Variants in FAN1 observed in about 807,000 individuals in gnomAD.
FAN1 encodes FANCD2 and FANCI associated nuclease 1, also known as fanconi-associated nuclease 1.
Under a neutral mutation model 104.9 loss-of-function variants are expected in FAN1, and 91 were observed. The ratio of observed to expected loss-of-function variants is 0.87; its 90% CI spans 0.73 to 1.03. The LOEUF (loss-of-function observed/expected upper bound fraction) is 1.03, where lower values mean the gene tolerates loss of function less well. Among genes scored for constraint, FAN1 ranks in the 50% least tolerant of loss-of-function variants. The probability of loss-of-function intolerance (pLI) is 0.00; values close to 1 mark genes in which losing one functional copy is unlikely to be tolerated. For missense variants in FAN1, 1,263 were observed against 1,239.9 expected (o/e 1.02, Z -0.28); for synonymous variants, 478 against 457.6 (o/e 1.04, Z -0.57).
intron 7 of FAN1, 124 bp downstream of exon 7, chr15:30,920,777 G>A (rs1256672700): frequency 3.4e-6 from 2 of 586,148 alleles, no homozygotes; most frequent in African/African-American, 3.9e-5. Context: ...TATAATGGAG[G>A]CATATTTGTT....
intron 6 of FAN1, 37 bp from the exon 7 acceptor site, chr15:30,920,508 C>G (rs2062302461): frequency 2.3e-6 from 3 of 1,326,594 alleles, no homozygotes; most frequent in Non-Finnish European, 3.2e-6. Flanking sequence ...ATAAATTAAC[C>G]AAATTATTAA....
rs1276150179 is a variant in FAN1, at chr15:30,939,505, T to TAATC, written c.*4-2059_*4-2056dup. ...TTATGCACAATAAACTGTAGCACAATAATCATGATATAACAACTGTCCAGC... is the reference window on the plus strand; with the variant it reads ...TTATGCACAATAAACTGTAGCACAATAATCAATCATGATATAACAACTGTCCAGC... On this transcript the variant is annotated intron_variant, in intron 14 of 14. Transcript: ENST00000362065. The TAATC allele has an allele frequency of 2.2e-5, 22 of 982,938 alleles. No homozygotes were observed. The African/African-American group carries it at 3.5e-4, about 16-fold the overall frequency. 60.9% of individuals were successfully genotyped at this position (982,938 alleles called of 1,614,324 possible). A position where few individuals can be genotyped will look rare whatever the true frequency, so the allele number is the denominator to read the frequency against.
At position 30,905,371 on chromosome 15, in the gene FAN1, A is replaced by T; in HGVS notation, c.708A>T (p.Ile236=). The change falls in exon 2 of 15, where the codon ATA becomes ATT. Residue 236 remains isoleucine (I), a synonymous_variant. Transcript: ENST00000362065. The part of the protein sequence containing the change: ...IPEHMVRGSK[I]MEAESQKATR... The stretch of plus-strand genomic sequence containing the variant: ...AACATATGGTAAGAGGAAGTAAAAT[A>T]ATGGAAGCCGAAAGCCAAAAGGCTA... 2 of 1,614,050 alleles carry T rather than the reference A, an allele frequency of 1.2e-6. No individual in the cohort carries two copies.
chr15:30,937,009 G>GA, intron 13 of FAN1, 110 bp from the exon 14 acceptor site: 3 of 820,680 alleles, frequency 3.7e-6, no homozygotes, highest in Non-Finnish European at 4.0e-6. Flanking sequence ...CAAATACAGT[G>GA]AGAGAGCAGA....
intron 13 of FAN1, among the ~76,000 whole-genome samples, chr15:30,932,711 C>T (rs1037629541): frequency 1.9e-5 from 2 of 103,258 alleles, no homozygotes; most frequent in African/African-American, 7.2e-5. Flanking sequence ...ATATTTGTTT[C>T]TTTTCTTTTT....
chr15:30,910,610 T>G lies in FAN1; in HGVS notation c.1376-4T>G, dbSNP rs2140908606. 4 of 1,520,032 alleles carry G rather than the reference T, an allele frequency of 2.6e-6. No individual in the cohort carries two copies. The East Asian group carries it at 9.4e-5, about 36-fold the overall frequency. The allele number at this position is 1,520,032 out of a possible 1,614,324, so 94.2% of individuals were successfully genotyped here. ...AAAAAAACTTTTTTTTTTAACCATT[T>G]CAGAATCTGAGTTGCAAGAACTCTC... On this transcript the variant is annotated splice_polypyrimidine_tract_variant and splice_region_variant and intron_variant, in intron 3 of 14. Coordinates refer to ENST00000362065, the MANE Select transcript of FAN1 (RefSeq NM_014967.5).
intron 12 of FAN1, among the ~76,000 whole-genome samples, chr15:30,929,613 ATAAT>A (rs1258855823): frequency 7.7e-6 from 1 of 130,434 alleles, no homozygotes; most frequent in Non-Finnish European, 1.5e-5. Context: ...TATTACATAT[ATAAT>A]ATATATTATA....
At position 30,904,024 on chromosome 15, in the gene FAN1, G is replaced by A. The variant is rs1449589216; in HGVS notation, c.-153+13G>A. 6.6e-6 allele frequency: 1 copy of A among 152,326 alleles called. No individual in the cohort carries two copies. Among genetic ancestry groups the A allele is most frequent in the Non-Finnish European group, 1.5e-5 (1 of 68,180 alleles). 9.4% of individuals were successfully genotyped at this position (152,326 alleles called of 1,614,324 possible). A position where few individuals can be genotyped will look rare whatever the true frequency, so the allele number is the denominator to read the frequency against. ...CGCGTGGCCCCAGGTGCGCGTCCCAGGTGCGCGGCCTTGACCCAGCAGCGT... is the reference window on the plus strand; with the variant it reads ...CGCGTGGCCCCAGGTGCGCGTCCCAAGTGCGCGGCCTTGACCCAGCAGCGT... On this transcript the variant is annotated intron_variant, in intron 1 of 14. Coordinates refer to ENST00000362065, the MANE Select transcript of FAN1 (RefSeq NM_014967.5).
intron 4 of FAN1, among the ~76,000 whole-genome samples, chr15:30,913,101 C>T (rs141213848): frequency 6.6e-6 from 1 of 152,312 alleles, no homozygotes; most frequent in African/African-American, 2.4e-5. Context: ...CTGTTAGGAA[C>T]TGGGCCACAC....
intron 6 of FAN1, among the ~76,000 whole-genome samples, chr15:30,919,718 TAAGG>T (rs143195592): frequency 0.027 from 4,077 of 149,492 alleles, 138 homozygotes; most frequent in African/African-American, 0.083. Flanking sequence ...AAGAAAATCA[TAAGG>T]AAGAGAAAAC....
intron 5 of FAN1, among the ~76,000 whole-genome samples, chr15:30,915,233 T>C (rs1033087769): frequency 2.0e-5 from 3 of 152,068 alleles, no homozygotes; most frequent in Non-Finnish European, 2.9e-5. Context: ...TTCTCACTCA[T>C]ATGTGGGAGG....
intron 4 of FAN1, chr15:30,911,127 C>A (rs1209267769): frequency 1.0e-5 from 11 of 1,104,460 alleles, no homozygotes; most frequent in Non-Finnish European, 1.2e-5. Flanking sequence ...TTAAGGTAAA[C>A]TATTTAGTCA....
intron 3 of FAN1, among the ~76,000 whole-genome samples, chr15:30,908,568 G>A (rs1464698623): frequency 4.6e-5 from 7 of 152,268 alleles, no homozygotes; most frequent in East Asian, 1.9e-4. Flanking sequence ...CATCCCGGCC[G>A]GGCACGGTGG....
chr15:30,942,211 T>C lies in FAN1; in HGVS notation c.*649T>C. The C allele has an allele frequency of 2.8e-6, 3 of 1,071,100 alleles. No homozygotes were observed. The highest frequency in any genetic ancestry group is 3.0e-4 in the Middle Eastern group (1 of 3,304). The allele number at this position is 1,071,100 out of a possible 1,614,324, so 66.3% of individuals were successfully genotyped here. A position where few individuals can be genotyped will look rare whatever the true frequency, so the allele number is the denominator to read the frequency against. On this transcript the variant is annotated 3_prime_UTR_variant, in exon 15 of 15. Transcript: ENST00000362065. ...AAGAACATTTTCCTCCCTTCCTTTG[T>C]GTCCTTATTCTAATCCTCCTCCCCT...
chr15:30,925,693 G>C, intron 9 of FAN1, 96 bp from the exon 10 acceptor site: 1 of 1,366,712 alleles, frequency 7.3e-7, no homozygotes, highest in Non-Finnish European at 1.0e-6. Context: ...GACTGACTTT[G>C]TGGTAAGGGA....
Position 30,930,585 on chromosome 15 carries a change from T to TGCAG in FAN1, c.2834_2837dup (p.His946GlnfsTer6). Reference sequence around the variant, plus strand: ...GGGGGGCCCTGTGCTCAGTGGTGTGTGCAGGCACCTGGCTGCTGACTTTCG... The same window carrying TGCAG: ...GGGGGGCCCTGTGCTCAGTGGTGTGTGCAGGCAGGCACCTGGCTGCTGACTTTCG... On this transcript the variant is annotated frameshift_variant, in exon 13 of 15. Coordinates refer to ENST00000362065, the MANE Select transcript of FAN1 (RefSeq NM_014967.5). LOFTEE classifies it high-confidence loss of function. 6.2e-7 allele frequency: 1 copy of TGCAG among 1,613,120 alleles called. No individual in the cohort carries two copies. Among genetic ancestry groups the TGCAG allele is most frequent in the South Asian group, 1.1e-5 (1 of 90,878 alleles).
Position 30,904,509 on chromosome 15 carries a change from T to C in FAN1, c.-152-3T>C, listed in dbSNP as rs780753489. 5.1e-6 allele frequency: 4 copies of C among 789,954 alleles called. No homozygotes were observed. The African/African-American group carries it at 5.1e-5, about 10-fold the overall frequency. 48.9% of individuals were successfully genotyped at this position (789,954 alleles called of 1,614,324 possible). On this transcript the variant is annotated splice_region_variant and splice_polypyrimidine_tract_variant and intron_variant, in intron 1 of 14. Coordinates refer to ENST00000362065, the MANE Select transcript of FAN1 (RefSeq NM_014967.5). ...TTTAATTTATATGTGTTTCTTCTTG[T>C]AGGAAGAAGAAATTGTCGAGACGAA... is the stretch of plus-strand genomic sequence containing the variant.
intron 14 of FAN1, among the ~76,000 whole-genome samples, chr15:30,937,574 C>CCCCA (rs2062896412): frequency 6.6e-6 from 1 of 151,248 alleles, no homozygotes; most frequent in African/African-American, 2.4e-5. Context: ...GCCTCAGGGT[C>CCCCA]CCCAGTAGCT....
chr15:30,905,944 T>A (rs1200687603), intron 2 of FAN1, 47 bp downstream of exon 2: 1 of 1,539,896 alleles, frequency 6.5e-7, no homozygotes, highest in African/African-American at 1.4e-5. Flanking sequence ...CCCCTTTTGC[T>A]GCTCTGATTG....
Sources: gnomAD v4.1 joint callset for allele counts (sites outside exome capture counted in the v4.1 genomes callset) on GRCh38, gnomAD v4.1.1 for gene constraint, MANE v1.5 for transcripts, NCBI Gene and HGNC (gene_info 2026-07-23, HGNC 2026-07-21) for gene names.